The following CNTN1 variants were observed in gnomAD, a reference collection of about 807,000 sequenced individuals.
CNTN1 encodes contactin 1, also known as contactin-1.
In CNTN1, 38 loss-of-function variants were observed where a neutral mutation model predicts 126.4. That is an observed-to-expected ratio of 0.30 (90% CI 0.23 to 0.39). The LOEUF (loss-of-function observed/expected upper bound fraction) is 0.39. Among genes scored for constraint, CNTN1 ranks in the 10% least tolerant of loss-of-function variants. The pLI is 1.00. For missense variants in CNTN1, 1,009 were observed against 1,248.4 expected, an observed-to-expected ratio of 0.81 and a Z score of 2.89; for synonymous variants, 413 against 422.6, an observed-to-expected ratio of 0.98 and a Z score of 0.28.
chr12:40,876,716 C>T (rs920312978), intron 1 of CNTN1, among the ~76,000 whole-genome samples: 2 of 152,002 alleles, frequency 1.3e-5, no homozygotes, highest in South Asian at 2.1e-4. Context: ...AATAACTTTT[C>T]TTATTAGCTT....
At chr12:40,803,585 C>T (rs1335499058) in intron 1 of CNTN1, among the ~76,000 whole-genome samples, 1 of 151,930 alleles carries the variant, frequency 6.6e-6, no homozygotes, top group Admixed American at 6.6e-5. Flanking sequence ...GAAACCCATG[C>T]TTAGATTTTC....
At chr12:40,873,821 G>A (rs76399409) in intron 1 of CNTN1, among the ~76,000 whole-genome samples, 14,990 of 151,878 alleles carry the variant, frequency 0.099, 854 homozygotes, top group Non-Finnish European at 0.13. Flanking sequence ...CTAAAAATCT[G>A]TAATGGTTCC....
At chr12:40,881,246 G>C (rs932345012) in intron 1 of CNTN1, among the ~76,000 whole-genome samples, 1 of 151,810 alleles carries the variant, frequency 6.6e-6, no homozygotes, top group Non-Finnish European at 1.5e-5. Flanking sequence ...ATGCTGAAAG[G>C]GTTGGATGAA....
intron 1 of CNTN1, among the ~76,000 whole-genome samples, chr12:40,813,949 T>C (rs908899607): frequency 2.6e-5 from 4 of 152,174 alleles, no homozygotes; most frequent in African/African-American, 9.7e-5. Context: ...GGATCAGTGG[T>C]GTTCAGCTTT....
At chr12:40,755,073 C>T (rs1439182581) in intron 1 of CNTN1, among the ~76,000 whole-genome samples, 2 of 151,288 alleles carry the variant, frequency 1.3e-5, no homozygotes, top group Non-Finnish European at 2.9e-5. Context: ...TGCCTGTAGT[C>T]CCAGTTACTT....
At chr12:40,732,930 G>A (rs74896189) in intron 1 of CNTN1, among the ~76,000 whole-genome samples, 2,402 of 152,064 alleles carry the variant, frequency 0.016, 99 homozygotes, top group East Asian at 0.086. Context: ...TAGGGTTGGT[G>A]TATATTTTAA....
chr12:41,018,165 A>G (rs751605453), intron 19 of CNTN1, among the ~76,000 whole-genome samples: 2 of 152,186 alleles, frequency 1.3e-5, no homozygotes, highest in Non-Finnish European at 2.9e-5. Context: ...ATGACTAGAA[A>G]AACAAATAGA....
At position 40,943,632 on chromosome 12, in the gene CNTN1, A is replaced by G. The variant is rs758288101; in HGVS notation, c.1415A>G (p.Asn472Ser). The G allele has an allele frequency of 6.2e-7, 1 of 1,600,522 alleles. No homozygotes were observed. The highest frequency in any genetic ancestry group is 2.2e-5 in the East Asian group (1 of 44,688). Residue 472 changes from asparagine to serine, a missense_variant, in exon 13 of 24, where the codon AAC (asparagine) becomes AGC (serine). By Grantham distance (46) the Asn-to-Ser change is conservative (BLOSUM62 1). Transcript: ENST00000551295. ...TGGGAAGATGGTAGCTTGGAAATCA[A>G]CAACATTACAAGGAATGATGGAGGT... ...LIWEDGSLEI[N>S]NITRNDGGIY...
chr12:40,922,459 AAGCGTGTTT>A, intron 5 of CNTN1, 31 bp downstream of exon 5: 1 of 1,606,776 alleles, frequency 6.2e-7, no homozygotes, highest in East Asian at 2.2e-5. Flanking sequence ...AAAAAAGGGC[AAGCGTGTTT>A]AGGTGAGTTC....
At chr12:40,758,250 G>T (rs1938689937) in intron 1 of CNTN1, among the ~76,000 whole-genome samples, 1 of 151,112 alleles carries the variant, frequency 6.6e-6, no homozygotes, top group South Asian at 2.1e-4. Context: ...ATTTTATACA[G>T]TAGTTGATTT....
At chr12:40,949,568 T>C (rs1004553634) in intron 14 of CNTN1, among the ~76,000 whole-genome samples, 1 of 130,942 alleles carries the variant, frequency 7.6e-6, no homozygotes, top group Non-Finnish European at 1.6e-5. Context: ...TTCTTTTCTT[T>C]CTTTTTTTTT....
At chr12:40,736,525 G>A (rs533230388) in intron 1 of CNTN1, among the ~76,000 whole-genome samples, 74 of 152,088 alleles carry the variant, frequency 4.9e-4, no homozygotes, top group African/African-American at 1.5e-3. Flanking sequence ...AGTGGCTTTT[G>A]GGTTAAAGAT....
At chr12:40,709,598 G>A (rs181934158) in intron 1 of CNTN1, among the ~76,000 whole-genome samples, 13 of 152,312 alleles carry the variant, frequency 8.5e-5, no homozygotes, top group South Asian at 4.1e-4. Flanking sequence ...TTTCGTTTAC[G>A]TTGAAATTAT....
chr12:40,694,386 T>C (rs1941393421), intron 1 of CNTN1, among the ~76,000 whole-genome samples: 1 of 152,250 alleles, frequency 6.6e-6, no homozygotes, highest in Non-Finnish European at 1.5e-5. Context: ...TTATTCCTGA[T>C]GACAACCTTT....
At chr12:41,000,056 T>C (rs1271674863) in intron 17 of CNTN1, among the ~76,000 whole-genome samples, 4 of 152,132 alleles carry the variant, frequency 2.6e-5, no homozygotes, top group Admixed American at 1.3e-4. Context: ...GCTCAGTGAA[T>C]GATCTCTGAA....
chr12:40,844,225 G>A (rs1463192485), intron 1 of CNTN1, among the ~76,000 whole-genome samples: 2 of 151,672 alleles, frequency 1.3e-5, no homozygotes, highest in African/African-American at 4.8e-5. Context: ...GCGCCACCAT[G>A]CCCAGCTAAT....
intron 4 of CNTN1, among the ~76,000 whole-genome samples, chr12:40,920,485 C>G (rs909752455): frequency 7.3e-6 from 1 of 136,188 alleles, no homozygotes; most frequent in African/African-American, 2.9e-5. Flanking sequence ...TGAAGACAGT[C>G]TGCATTTGAC....
At chr12:40,773,142 T>C (rs1183757977) in intron 1 of CNTN1, among the ~76,000 whole-genome samples, 5 of 151,820 alleles carry the variant, frequency 3.3e-5, no homozygotes, top group Admixed American at 6.6e-5. Flanking sequence ...TATTAATGTT[T>C]CTGTCAAATA....
At chr12:40,772,257 C>T (rs1447775796) in intron 1 of CNTN1, among the ~76,000 whole-genome samples, 1 of 151,780 alleles carries the variant, frequency 6.6e-6, no homozygotes. Context: ...TATTTTTTAT[C>T]CATGTGGTAC....
Sources: gnomAD v4.1 joint callset for allele counts (sites outside exome capture counted in the v4.1 genomes callset) on GRCh38, gnomAD v4.1.1 for gene constraint, MANE v1.5 for transcripts, NCBI Gene and HGNC (gene_info 2026-07-23, HGNC 2026-07-21) for gene names.